Variants in GAB2 observed in about 807,000 individuals in gnomAD.
The protein encoded by GAB2 is GRB2 associated binding protein 2.
In GAB2, 26 loss-of-function variants were observed where a neutral mutation model predicts 65.5. The ratio of observed to expected loss-of-function variants is 0.40; its 90% CI spans 0.29 to 0.55. The LOEUF (loss-of-function observed/expected upper bound fraction) is 0.55. Among genes scored for constraint, GAB2 ranks in the 20% least tolerant of loss-of-function variants. The pLI is 0.53. For synonymous variants in GAB2, 321 were observed against 329.6 expected, an observed-to-expected ratio of 0.97 and a Z score of 0.28; for missense variants, 884 against 875.8, an observed-to-expected ratio of 1.01 and a Z score of -0.12.
intron 1 of GAB2, among the ~76,000 whole-genome samples, chr11:78,312,787 T>C (rs767631266): frequency 3.3e-5 from 5 of 152,170 alleles, no homozygotes; most frequent in African/African-American, 4.8e-5. Context: ...GTAACTTAAT[T>C]GTAGATATAA....
In GAB2 at chr11:78,326,819, C is replaced by T. The variant is rs573226223; in HGVS notation, c.76-45918G>A. The stretch of plus-strand genomic sequence containing the variant: ...CTCTCAAATATATACAAAGCAGACA[C>T]AGTTCTGACCCGGTAAAATTTCCCC... On this transcript the variant is annotated intron_variant, in intron 1 of 9. Transcript: ENST00000361507. Among the ~76,000 whole-genome samples the T allele has an allele frequency of 1.6e-4, 24 of 152,262 alleles. No individual in the cohort carries two copies. In the South Asian group the frequency reaches 4.8e-3, roughly 30 times the overall value.
intron 1 of GAB2, among the ~76,000 whole-genome samples, chr11:78,287,204 A>C (rs545171880): frequency 2.0e-5 from 3 of 152,358 alleles, no homozygotes; most frequent in Admixed American, 1.3e-4. Flanking sequence ...TCTCAGAAAA[A>C]CAGGAACAGA....
chr11:78,373,886 TC>T (rs1484108386), intron 1 of GAB2, among the ~76,000 whole-genome samples: 1 of 152,154 alleles, frequency 6.6e-6, no homozygotes, highest in African/African-American at 2.4e-5. Context: ...GTTCTTTTTA[TC>T]CTTCTTTGCT....
At chr11:78,400,120 T>C (rs1228838558) in intron 1 of GAB2, among the ~76,000 whole-genome samples, 1 of 152,184 alleles carries the variant, frequency 6.6e-6, no homozygotes, top group Non-Finnish European at 1.5e-5. Flanking sequence ...AGCTCTGAAC[T>C]TTCAAAACTT....
chr11:78,358,307 A>C, intron 1 of GAB2, among the ~76,000 whole-genome samples: 1 of 91,956 alleles, frequency 1.1e-5, no homozygotes, highest in Admixed American at 1.3e-4. Flanking sequence ...GGGTGGGGGG[A>C]GGGGAGAGGG....
chr11:78,281,457 C>T (rs749875170), intron 1 of GAB2, among the ~76,000 whole-genome samples: 6 of 152,072 alleles, frequency 3.9e-5, no homozygotes, highest in South Asian at 2.1e-4. Flanking sequence ...ATTGGTCAGG[C>T]GGGTCTCGAA....
intron 1 of GAB2, among the ~76,000 whole-genome samples, chr11:78,325,115 G>A (rs1316438650): frequency 1.3e-5 from 2 of 152,184 alleles, no homozygotes; most frequent in Admixed American, 6.5e-5. Flanking sequence ...GAACCTTAGA[G>A]ATGGAAGTAA....
chr11:78,328,273 T>G (rs372835455), intron 1 of GAB2, among the ~76,000 whole-genome samples: 2 of 152,216 alleles, frequency 1.3e-5, no homozygotes, highest in African/African-American at 4.8e-5. Flanking sequence ...ACTGGTAGCA[T>G]TGCATTTGCA....
chr11:78,350,026 C>G (rs1156968166), intron 1 of GAB2, among the ~76,000 whole-genome samples: 2 of 152,024 alleles, frequency 1.3e-5, no homozygotes, highest in Non-Finnish European at 2.9e-5. Context: ...CATTCTTATT[C>G]TCTTTGAGTT....
rs569190823 is a variant in GAB2, at chr11:78,360,890, A to G, written c.75+56756T>C. Among the ~76,000 whole-genome samples the G allele has an allele frequency of 1.3e-3, 205 of 152,260 alleles. 3 individuals are homozygous for G. The South Asian group carries it at 0.016, about 12-fold the overall frequency. On this transcript the variant is annotated intron_variant, in intron 1 of 9. Coordinates refer to ENST00000361507, the MANE Select transcript of GAB2 (RefSeq NM_080491.3). ...AAACAACAACAACAACAACAACAAA[A>G]AACCCACCATATTTGTTCTAAATAA...
At chr11:78,258,035 T>C (rs1433860058) in intron 2 of GAB2, among the ~76,000 whole-genome samples, 1 of 152,186 alleles carries the variant, frequency 6.6e-6, no homozygotes, top group East Asian at 1.9e-4. Context: ...GGTCCAGGCC[T>C]AGCTCTACCG....
rs1313324351 is a variant in GAB2, at chr11:78,248,544, T to C, written c.620+1613A>G. 2.6e-5 allele frequency among the ~76,000 whole-genome samples: 4 copies of C among 152,228 alleles called. No homozygotes were observed. In the East Asian group the frequency reaches 7.7e-4, roughly 29 times the overall value. ...TAAGTACTTTGCCTTTCACTACAAC[T>C]ATGATTTTAAGACCTCACCTTATCT... On this transcript the variant is annotated intron_variant, in intron 3 of 9. Transcript: ENST00000361507.
chr11:78,343,670 A>T (rs1410880373), intron 1 of GAB2, among the ~76,000 whole-genome samples: 2 of 152,234 alleles, frequency 1.3e-5, no homozygotes, highest in African/African-American at 4.8e-5. Context: ...AGCACTGTCA[A>T]ATACAAATGT....
chr11:78,302,828 A>G (rs1433745427), intron 1 of GAB2, among the ~76,000 whole-genome samples: 1 of 152,224 alleles, frequency 6.6e-6, no homozygotes, highest in East Asian at 1.9e-4. Flanking sequence ...ATATGTATCT[A>G]TACAGATAGA....
chr11:78,218,897 G>A lies in GAB2; in HGVS notation c.*375C>T, dbSNP rs1017068638. 8.1e-5 allele frequency: 15 copies of A among 185,520 alleles called. No individual in the cohort carries two copies. In the East Asian group the frequency reaches 2.2e-3, roughly 28 times the overall value. The allele number at this position is 185,520 out of a possible 1,614,324, so 11.5% of individuals were successfully genotyped here. A position where few individuals can be genotyped will look rare whatever the true frequency, so the allele number is the denominator to read the frequency against. On this transcript the variant is annotated 3_prime_UTR_variant, in exon 10 of 10. Transcript: ENST00000361507. Reference sequence around the variant, plus strand: ...CGGAGGGAAGATAGCTGAGGGCTGTGACTGAACGTGAGGTGTGGAATCTGG... The same window carrying A: ...CGGAGGGAAGATAGCTGAGGGCTGTAACTGAACGTGAGGTGTGGAATCTGG...
chr11:78,248,378 T>C (rs1865354136), intron 3 of GAB2, among the ~76,000 whole-genome samples: 1 of 152,220 alleles, frequency 6.6e-6, no homozygotes, highest in South Asian at 2.1e-4. Flanking sequence ...GTGTGAGCTG[T>C]AGACAATCTG....
At chr11:78,317,575 A>AAAAG in intron 1 of GAB2, among the ~76,000 whole-genome samples, 1 of 151,816 alleles carries the variant, frequency 6.6e-6, no homozygotes, top group Non-Finnish European at 1.5e-5. Context: ...AAAAAAAAAA[A>AAAAG]AAAAAAGATG....
At chr11:78,317,063 C>T (rs749699361) in intron 1 of GAB2, among the ~76,000 whole-genome samples, 1 of 152,106 alleles carries the variant, frequency 6.6e-6, no homozygotes, top group Non-Finnish European at 1.5e-5. Flanking sequence ...ACTTATATGA[C>T]AAAGTTACAT....
At chr11:78,281,402 C>G (rs148647046) in intron 1 of GAB2, among the ~76,000 whole-genome samples, 5,894 of 152,152 alleles carry the variant, frequency 0.039, 373 homozygotes, top group African/African-American at 0.13. Flanking sequence ...TGTGCCACCA[C>G]GCCTGGCTAA....
Sources: allele counts gnomAD v4.1 joint callset (sites outside exome capture counted in the v4.1 genomes callset), GRCh38; gene constraint gnomAD v4.1.1; transcripts MANE v1.5; gene names NCBI Gene and HGNC (gene_info 2026-07-23, HGNC 2026-07-21).